The following ACYP2 variants were observed in gnomAD, a reference collection of about 807,000 sequenced individuals.
The protein encoded by ACYP2 is acylphosphatase 2.
A neutral mutation model predicts 11.2 loss-of-function variants in ACYP2; 12 were observed. The ratio of observed to expected loss-of-function variants is 1.08; its 90% CI spans 0.69 to 1.74. ACYP2 has a LOEUF of 1.74. Ranked by LOEUF, ACYP2 falls within the 40% of genes most tolerant of loss-of-function variation. The pLI, the probability that ACYP2 is intolerant of heterozygous loss-of-function variation, is 0.00. For synonymous variants in ACYP2, 43 were observed against 32.2 expected (o/e 1.33, Z -1.13); for missense variants, 134 against 101.9 (o/e 1.31, Z -1.35).
intron 2 of ACYP2, among the ~76,000 whole-genome samples, chr2:54,027,272 C>T (rs1244090323): frequency 1.3e-5 from 2 of 152,160 alleles, no homozygotes; most frequent in African/African-American, 4.8e-5. Flanking sequence ...GAATTGCCTT[C>T]ACCCTTTTTC....
At chr2:54,015,193 C>G (rs1270168943) in intron 2 of ACYP2, among the ~76,000 whole-genome samples, 2 of 151,094 alleles carry the variant, frequency 1.3e-5, no homozygotes, top group East Asian at 3.9e-4. Flanking sequence ...ATGGTGAAAA[C>G]CTGTCTCTGA....
chr2:54,255,813 A>T, intron 6 of ACYP2: 1 of 1,613,770 alleles, frequency 6.2e-7, no homozygotes, highest in Non-Finnish European at 8.5e-7. Context: ...CCGGAAAGCC[A>T]TTTTTGAGGC....
chr2:53,974,948 A>G (rs1014135823), intron 2 of ACYP2, among the ~76,000 whole-genome samples: 13 of 152,194 alleles, frequency 8.5e-5, no homozygotes, highest in African/African-American at 2.7e-4. Flanking sequence ...CTGATGAGCT[A>G]TAAGGGAAAG....
chr2:54,241,344 G>GT (rs1334956370), intron 6 of ACYP2, among the ~76,000 whole-genome samples: 1 of 152,118 alleles, frequency 6.6e-6, no homozygotes, highest in Non-Finnish European at 1.5e-5. Flanking sequence ...ATTCCAGCTG[G>GT]TTTAAGTATG....
chr2:54,241,136 C>A (rs1201386441), intron 6 of ACYP2, among the ~76,000 whole-genome samples: 1 of 152,152 alleles, frequency 6.6e-6, no homozygotes, highest in African/African-American at 2.4e-5. Context: ...CACCCCCACT[C>A]CCTCCCCAAA....
chr2:54,085,246 C>T (rs1677887660), intron 4 of ACYP2, among the ~76,000 whole-genome samples: 1 of 152,164 alleles, frequency 6.6e-6, no homozygotes, highest in Non-Finnish European at 1.5e-5. Flanking sequence ...AGGCTGTGCA[C>T]ATTTAGTTCA....
intron 6 of ACYP2, among the ~76,000 whole-genome samples, chr2:54,200,072 T>C (rs1682109): frequency 0.036 from 5,467 of 152,324 alleles, 151 homozygotes; most frequent in Middle Eastern, 0.068. Context: ...AAAGGATATC[T>C]TTATACAGCT....
At chr2:54,143,464 C>T (rs1488384869) in intron 6 of ACYP2, 3 of 151,968 alleles carry the variant, frequency 2.0e-5, no homozygotes, top group African/African-American at 4.8e-5. Flanking sequence ...GGTGGAGTCT[C>T]GCTTTGTTGC....
At chr2:54,081,010 A>G (rs1677617341) in intron 4 of ACYP2, among the ~76,000 whole-genome samples, 1 of 152,156 alleles carries the variant, frequency 6.6e-6, no homozygotes, top group Non-Finnish European at 1.5e-5. Flanking sequence ...AACCTCTATC[A>G]TGTTTCATAT....
intron 2 of ACYP2, among the ~76,000 whole-genome samples, chr2:54,036,461 G>C (rs759342375): frequency 5.0e-4 from 76 of 152,218 alleles, no homozygotes; most frequent in Non-Finnish European, 4.0e-4. Flanking sequence ...GCCTTATTCA[G>C]TGTGCCACAG....
At chr2:54,008,303 C>T (rs1176104953) in intron 2 of ACYP2, among the ~76,000 whole-genome samples, 1 of 152,172 alleles carries the variant, frequency 6.6e-6, no homozygotes, top group Non-Finnish European at 1.5e-5. Flanking sequence ...GTTTTGATTT[C>T]TCAGTATTCC....
intron 6 of ACYP2, chr2:54,254,043 T>C (rs1356762330): frequency 6.6e-6 from 1 of 152,102 alleles, no homozygotes; most frequent in Non-Finnish European, 1.5e-5. Context: ...GGGAGGCAAA[T>C]AAAGGTACCT....
intron 6 of ACYP2, among the ~76,000 whole-genome samples, chr2:54,269,894 A>C (rs1372963969): frequency 1.3e-5 from 2 of 152,198 alleles, no homozygotes; most frequent in African/African-American, 4.8e-5. Flanking sequence ...CAGTTTCCAT[A>C]ATAATAATTC....
chr2:54,002,879 C>G (rs1314137631), intron 2 of ACYP2, among the ~76,000 whole-genome samples: 1 of 151,180 alleles, frequency 6.6e-6, no homozygotes, highest in East Asian at 1.9e-4. Flanking sequence ...AACTCCTCAC[C>G]TCAGGTGATC....
chr2:53,983,112 G>A (rs1452989006), intron 2 of ACYP2, among the ~76,000 whole-genome samples: 3 of 151,988 alleles, frequency 2.0e-5, no homozygotes, highest in African/African-American at 7.2e-5. Flanking sequence ...GTAGAACAGG[G>A]GTACCTGGAC....
chr2:54,151,727 T>C (rs1682179383), intron 6 of ACYP2, among the ~76,000 whole-genome samples: 1 of 152,216 alleles, frequency 6.6e-6, no homozygotes, highest in South Asian at 2.1e-4. Flanking sequence ...AACCGATCTA[T>C]ATTAAAATGA....
chr2:54,252,057 A>G (rs920687196), intron 6 of ACYP2, among the ~76,000 whole-genome samples: 10 of 152,212 alleles, frequency 6.6e-5, no homozygotes, highest in African/African-American at 2.4e-4. Flanking sequence ...TAAGCTTGCA[A>G]GGAGCGTAAA....
intron 2 of ACYP2, among the ~76,000 whole-genome samples, chr2:53,989,277 CTTTTTTTTTT>C (rs775237196): frequency 5.8e-4 from 55 of 94,818 alleles, no homozygotes; most frequent in African/African-American, 2.1e-3. Flanking sequence ...GTAGACAATT[CTTTTTTTTTT>C]TTTTTTTTTT....
At chr2:53,983,045 G>A (rs1456427340) in intron 2 of ACYP2, among the ~76,000 whole-genome samples, 1 of 152,060 alleles carries the variant, frequency 6.6e-6, no homozygotes, top group African/African-American at 2.4e-5. Context: ...TCACTTCACA[G>A]GTACTTAGTT....
Sources: allele counts gnomAD v4.1 joint callset (sites outside exome capture counted in the v4.1 genomes callset), GRCh38; gene constraint gnomAD v4.1.1; transcripts MANE v1.5; gene names NCBI Gene and HGNC (gene_info 2026-07-23, HGNC 2026-07-21).